Variants in EYS observed in about 807,000 individuals in gnomAD.
The protein encoded by EYS is EGF-like photoreceptor maintenance factor, also known as protein eyes shut homolog.
EYS carries 250 observed loss-of-function variants against 282.1 expected under a neutral mutation model. The observed-to-expected ratio is 0.89, with a 90% CI of 0.80 to 0.98. The LOEUF is 0.98. Among genes scored for constraint, EYS ranks in the 50% least tolerant of loss-of-function variants. The pLI is 0.00. For missense variants in EYS, 4,016 were observed against 3,709.0 expected, an observed-to-expected ratio of 1.08 and a Z score of -2.15; for synonymous variants, 1,355 against 1,282.9, an observed-to-expected ratio of 1.06 and a Z score of -1.20.
intron 1 of EYS, among the ~76,000 whole-genome samples, chr6:65,701,184 T>A (rs921038542): frequency 6.6e-6 from 1 of 152,214 alleles, no homozygotes; most frequent in African/African-American, 2.4e-5. Context: ...TTTATTTGAC[T>A]ATGAATATAA....
chr6:64,299,229 CTGAT>C (rs1769142099), intron 30 of EYS, among the ~76,000 whole-genome samples: 1 of 152,216 alleles, frequency 6.6e-6, no homozygotes, highest in African/African-American at 2.4e-5. Flanking sequence ...ATTCACAGAA[CTGAT>C]CTCTCTGGGA....
intron 35 of EYS, among the ~76,000 whole-genome samples, chr6:63,884,290 C>G (rs551309388): frequency 1.9e-4 from 28 of 147,006 alleles, no homozygotes; most frequent in Non-Finnish European, 3.3e-4. Context: ...AAGCTTCCAT[C>G]AAGTAAGTAA....
intron 33 of EYS, among the ~76,000 whole-genome samples, chr6:64,010,195 C>T (rs1172783220): frequency 1.3e-5 from 2 of 152,280 alleles, no homozygotes; most frequent in Admixed American, 6.5e-5. Context: ...CAAAGCACTG[C>T]GTCGGGGTGG....
chr6:65,589,510 T>G (rs999197477), intron 2 of EYS, among the ~76,000 whole-genome samples: 1 of 152,084 alleles, frequency 6.6e-6, no homozygotes, highest in African/African-American at 2.4e-5. Flanking sequence ...CCTCTCTAGG[T>G]AGAAATGGTT....
Position 64,543,841 on chromosome 6 carries a change from G to A in EYS, c.5644+46382C>T, listed in dbSNP as rs144254075. Among the ~76,000 whole-genome samples the A allele has an allele frequency of 5.3e-5, 8 of 152,172 alleles. No individual in the cohort carries two copies. The East Asian group carries it at 1.2e-3, about 22-fold the overall frequency. On this transcript the variant is annotated intron_variant, in intron 26 of 42. Transcript: ENST00000503581. ...AGGATTATCCCTCTTACATTCATACGAAAACTAAAGTCTAGAGAGGCTAAG... is the reference window on the plus strand; with the variant it reads ...AGGATTATCCCTCTTACATTCATACAAAAACTAAAGTCTAGAGAGGCTAAG...
intron 22 of EYS, among the ~76,000 whole-genome samples, chr6:64,634,132 C>A (rs139567092): frequency 6.6e-6 from 1 of 152,032 alleles, no homozygotes; most frequent in African/African-American, 2.4e-5. Flanking sequence ...TACAGGTGTG[C>A]GCCACCAAGC....
At chr6:65,291,264 A>G (rs1768517378) in intron 12 of EYS, among the ~76,000 whole-genome samples, 1 of 151,658 alleles carries the variant, frequency 6.6e-6, no homozygotes, top group South Asian at 2.1e-4. Context: ...ATATGTTAAG[A>G]GTGGAGGAAA....
At chr6:64,868,156 A>C (rs990678412) in intron 19 of EYS, among the ~76,000 whole-genome samples, 2 of 151,508 alleles carry the variant, frequency 1.3e-5, no homozygotes, top group Non-Finnish European at 3.0e-5. Flanking sequence ...TTAAAAAATC[A>C]CTTCAAGTCT....
At chr6:64,467,618 C>T (rs540609655) in intron 26 of EYS, among the ~76,000 whole-genome samples, 5 of 152,104 alleles carry the variant, frequency 3.3e-5, no homozygotes, top group Admixed American at 6.6e-5. Context: ...CTTATTACCA[C>T]CACTGAAGAC....
chr6:64,943,793 A>T (rs1769181514), intron 15 of EYS, among the ~76,000 whole-genome samples: 1 of 152,086 alleles, frequency 6.6e-6, no homozygotes, highest in South Asian at 2.1e-4. Flanking sequence ...CAAAGCATGC[A>T]CAGATTCAAC....
chr6:64,860,324 A>G (rs1022885392), intron 19 of EYS, among the ~76,000 whole-genome samples: 3 of 152,236 alleles, frequency 2.0e-5, no homozygotes, highest in Non-Finnish European at 4.4e-5. Context: ...TGCTCAGCTC[A>G]TGCTACTGGC....
intron 29 of EYS, among the ~76,000 whole-genome samples, chr6:64,346,250 T>C (rs1320351674): frequency 4.6e-5 from 7 of 151,804 alleles, no homozygotes; most frequent in African/African-American, 1.7e-4. Context: ...GACACATGCA[T>C]ACGTATGTTT....
chr6:64,216,006 G>A (rs1027647808), intron 31 of EYS, among the ~76,000 whole-genome samples: 5 of 152,328 alleles, frequency 3.3e-5, no homozygotes. Flanking sequence ...GACATGAAAT[G>A]TTGGAGAATT....
At chr6:64,719,793 C>G (rs62415464) in intron 22 of EYS, among the ~76,000 whole-genome samples, 60 of 152,048 alleles carry the variant, frequency 3.9e-4, no homozygotes, top group Non-Finnish European at 7.5e-4. Flanking sequence ...AGTCCCAGAA[C>G]GGGAGGCTGA....
intron 35 of EYS, among the ~76,000 whole-genome samples, chr6:63,962,107 C>T (rs1048973365): frequency 6.6e-6 from 1 of 152,054 alleles, no homozygotes; most frequent in Non-Finnish European, 1.5e-5. Flanking sequence ...CAAAAATTAA[C>T]TCAAGATGGA....
intron 13 of EYS, among the ~76,000 whole-genome samples, chr6:65,024,390 A>AT (rs1172939614): frequency 2.0e-5 from 3 of 152,198 alleles, no homozygotes; most frequent in Non-Finnish European, 4.4e-5. Context: ...TATTGTAGTC[A>AT]TTCCCATTCT....
Position 64,297,626 on chromosome 6 carries a change from CTG to C in EYS, c.6191+9342_6191+9343del, listed in dbSNP as rs1267125011. 4.6e-5 allele frequency among the ~76,000 whole-genome samples: 7 copies of C among 152,242 alleles called. No individual in the cohort carries two copies. In the East Asian group the frequency reaches 9.7e-4, roughly 21 times the overall value. ...ACAAAAGTTTAAAATATTCAAAACA[CTG>C]AAAGAAAACAACTCTGTAAACCAAT... On this transcript the variant is annotated intron_variant, in intron 30 of 42. Transcript: ENST00000503581.
intron 35 of EYS, among the ~76,000 whole-genome samples, chr6:63,914,711 C>T (rs1353543280): frequency 9.8e-6 from 1 of 102,552 alleles, no homozygotes; most frequent in African/African-American, 3.5e-5. Flanking sequence ...CTGTCTCAAC[C>T]GTCTCAAAAA....
intron 22 of EYS, among the ~76,000 whole-genome samples, chr6:64,652,996 T>C (rs1213912436): frequency 1.3e-5 from 2 of 152,298 alleles, no homozygotes; most frequent in African/African-American, 4.8e-5. Flanking sequence ...AAGTCCTAAT[T>C]CTCAGTACCC....
Sources: gnomAD v4.1 joint callset for allele counts (sites outside exome capture counted in the v4.1 genomes callset) on GRCh38, gnomAD v4.1.1 for gene constraint, MANE v1.5 for transcripts, NCBI Gene and HGNC (gene_info 2026-07-23, HGNC 2026-07-21) for gene names.